Variants in ARID1A observed in about 807,000 individuals in gnomAD.
ARID1A encodes the protein AT-rich interactive domain-containing protein 1A.
A neutral mutation model predicts 212.6 loss-of-function variants in ARID1A; 20 were observed. The observed-to-expected ratio is 0.09, with a 90% CI of 0.07 to 0.14. The LOEUF (loss-of-function observed/expected upper bound fraction) is 0.14, where lower values mean the gene tolerates loss of function less well. Among genes scored for constraint, ARID1A ranks in the 10% least tolerant of loss-of-function variants. ARID1A has a pLI of 1.00. For missense variants in ARID1A, 2,587 were observed against 3,059.0 expected (o/e 0.85, Z 3.64); for synonymous variants, 1,376 against 1,222.1 (o/e 1.13, Z -2.63).
chr1:26,733,025 C>G (rs1299841992), intron 4 of ARID1A, among the ~76,000 whole-genome samples: 1 of 152,152 alleles, frequency 6.6e-6, no homozygotes, highest in South Asian at 2.1e-4. Flanking sequence ...TGCTTTTAGA[C>G]ATGGACCCAC....
rs1056019498 is a variant in ARID1A at position 26,775,194 on chromosome 1, G to A, written c.4967G>A (p.Arg1656Lys). The change falls in exon 18 of 20, where the codon AGG becomes AAG. Residue 1656 changes from arginine (R) to lysine (K), a missense_variant. By Grantham distance (26) the Arg-to-Lys change is conservative. Around this residue, in one of 11 missense-constraint regions of ARID1A, gnomAD observed 890 missense variants for 1,098.2 expected, o/e 0.81. Coordinates refer to ENST00000324856, the MANE Select transcript of ARID1A (RefSeq NM_006015.6). ...GCCACACAGCCTGTGTTGAAGCAGA[G>A]GAGGCGGCTCACAATGAAAGACATT... ...VEATQPVLKQ[R>K]RRLTMKDIGT... 3.8e-6 allele frequency: 6 copies of A among 1,597,972 alleles called. No homozygotes were observed. The highest frequency in any genetic ancestry group is 1.8e-5 in the Admixed American group (1 of 55,856).
rs775219314 is a variant in ARID1A, at chr1:26,766,441, T to A, written c.2879-16T>A. 1 of 1,613,820 alleles carries A rather than the reference T, an allele frequency of 6.2e-7. No homozygotes were observed. Among genetic ancestry groups the A allele is most frequent in the Non-Finnish European group, 8.5e-7 (1 of 1,179,928 alleles). ...GCTAAACTTACTGGACTTGAGAATT[T>A]TTTTCTCTTTTACAGGGATGGCAGC... On this transcript the variant is annotated splice_polypyrimidine_tract_variant and intron_variant, in intron 9 of 19. Coordinates refer to ENST00000324856, the MANE Select transcript of ARID1A (RefSeq NM_006015.6).
At chr1:26,740,176 A>T (rs529373227) in intron 4 of ARID1A, among the ~76,000 whole-genome samples, 1 of 152,218 alleles carries the variant, frequency 6.6e-6, no homozygotes, top group African/African-American at 2.4e-5. Flanking sequence ...ACTTTTTGCT[A>T]TGGGTGTTAT....
Position 26,696,446 on chromosome 1 carries a change from A to G in ARID1A, c.43A>G (p.Asn15Asp). 7.8e-7 allele frequency: 1 copy of G among 1,288,670 alleles called. No individual in the cohort carries two copies. 79.8% of individuals were successfully genotyped at this position (1,288,670 alleles called of 1,614,324 possible). Residue 15 changes from asparagine to aspartate, a missense_variant, in exon 1 of 20, where the codon AAC becomes GAC. Asn to Asp is a conservative substitution (Grantham distance 23, BLOSUM62 1). Transcript: ENST00000324856. ...VAPAAASSLG[N>D]PPPPPPSELK... Reference sequence around the variant, plus strand: ...CCCCGCCGCCGCCAGCAGCCTGGGCAACCCGCCGCCGCCGCCGCCCTCGGA... The same window carrying G: ...CCCCGCCGCCGCCAGCAGCCTGGGCGACCCGCCGCCGCCGCCGCCCTCGGA...
intron 4 of ARID1A, among the ~76,000 whole-genome samples, chr1:26,759,755 A>C (rs2080973924): frequency 6.6e-6 from 1 of 152,234 alleles, no homozygotes; most frequent in South Asian, 2.1e-4. Context: ...CAAAGCCTAC[A>C]AACAAATACC....
At chr1:26,777,088 T>C (rs1332177832) in intron 19 of ARID1A, among the ~76,000 whole-genome samples, 1 of 152,176 alleles carries the variant, frequency 6.6e-6, no homozygotes, top group Non-Finnish European at 1.5e-5. Context: ...GAATTTTTTT[T>C]TTAAGAGACT....
At chr1:26,747,096 T>C (rs566366908) in intron 4 of ARID1A, among the ~76,000 whole-genome samples, 3 of 152,190 alleles carry the variant, frequency 2.0e-5, no homozygotes, top group South Asian at 4.2e-4. Flanking sequence ...AAATCAAGCG[T>C]AGAATTAGCC....
At chr1:26,705,842 G>A (rs948836436) in intron 1 of ARID1A, among the ~76,000 whole-genome samples, 1 of 152,158 alleles carries the variant, frequency 6.6e-6, no homozygotes, top group African/African-American at 2.4e-5. Flanking sequence ...TATTATCTTG[G>A]GACAGGTTGA....
Position 26,781,242 on chromosome 1 carries a change from C to T in ARID1A, c.*486C>T, listed in dbSNP as rs1453530028. The T allele has an allele frequency of 4.2e-6, 1 of 235,444 alleles. No individual in the cohort carries two copies. The highest frequency in any genetic ancestry group is 1.8e-4 in the South Asian group (1 of 5,688). The allele number at this position is 235,444 out of a possible 1,614,324, so 14.6% of individuals were successfully genotyped here. On this transcript the variant is annotated 3_prime_UTR_variant, in exon 20 of 20. Coordinates refer to ENST00000324856, the MANE Select transcript of ARID1A (RefSeq NM_006015.6). ...GAACTGTGTGTGGTTTATTGTTGTA[C>T]ATTCACAATCTTGCAGGAGCCAAGA...
In ARID1A at chr1:26,779,651, G is replaced by C. The variant is rs369532498; in HGVS notation, c.5753G>C (p.Arg1918Pro). Residue 1918 changes from arginine to proline, a missense_variant, in exon 20 of 20, where the codon CGG (arginine) becomes CCG (proline). Transcript: ENST00000324856. The stretch of plus-strand genomic sequence containing the variant: ...ACTATGGATGACATGTTGTCTACTC[G>C]GTCTAGCACCTTGACCGAGGATGGA... ...TATMDDMLSTRSSTLTEDGAK... is the reference protein window; with the variant it reads ...TATMDDMLSTPSSTLTEDGAK... 2 of 1,613,960 alleles carry C rather than the reference G, an allele frequency of 1.2e-6. No homozygotes were observed. Among genetic ancestry groups the C allele is most frequent in the Admixed American group, 1.7e-5 (1 of 59,988 alleles).
intron 1 of ARID1A, chr1:26,729,375 TC>T (rs2080650665): frequency 2.2e-6 from 1 of 453,490 alleles, no homozygotes; most frequent in African/African-American, 2.0e-5. Context: ...ACCCGGCCTG[TC>T]CCTTGGATCT....
At chr1:26,775,470 C>A in intron 18 of ARID1A, 107 bp from the exon 19 acceptor site, 1 of 1,503,214 alleles carries the variant, frequency 6.7e-7, no homozygotes, top group Non-Finnish European at 8.9e-7. Context: ...CAGAAACTGC[C>A]TTCCACCTTG....
At chr1:26,767,761 T>C in intron 10 of ARID1A, 29 bp from the exon 11 acceptor site, 1 of 1,571,864 alleles carries the variant, frequency 6.4e-7, no homozygotes, top group Non-Finnish European at 8.7e-7. Context: ...TCTGACCCAT[T>C]CCTATGAATT....
chr1:26,780,779 C>T lies in ARID1A; in HGVS notation c.*23C>T, dbSNP rs200568725. The T allele has an allele frequency of 6.0e-5, 92 of 1,543,774 alleles. 1 individual carries two copies. The East Asian group carries it at 1.5e-3, about 25-fold the overall frequency. On this transcript the variant is annotated 3_prime_UTR_variant, in exon 20 of 20. Coordinates refer to ENST00000324856, the MANE Select transcript of ARID1A (RefSeq NM_006015.6). The surrounding 1 kb of genome is among the most constrained non-coding windows in gnomAD (Gnocchi z 7.2). ...TGACAGCCGTGGGACACCTCCCCCC[C>T]CCGTGTGTGTGTGCGTGTGTGGAGA... is the stretch of plus-strand genomic sequence containing the variant.
At position 26,696,513 on chromosome 1, in the gene ARID1A, G is replaced by A. The variant is rs933617964; in HGVS notation, c.110G>A (p.Gly37Asp). ...CAGCAGCAGCGGGAGGAGGCGGGGG[G>A]CGAGGCGGCGGCGGCGGCAGCGGCC... Reference protein sequence around the residue: ...AEQQQREEAGGEAAAAAAAER... With the variant: ...AEQQQREEAGDEAAAAAAAER... The change falls in exon 1 of 20, where the codon GGC becomes GAC. Residue 37 changes from glycine to aspartate, a missense_variant. Around this residue, in one of 11 missense-constraint regions of ARID1A, gnomAD observed 735 missense variants for 590.6 expected, o/e 1.24. Transcript: ENST00000324856. 29 of 1,228,668 alleles carry A rather than the reference G, an allele frequency of 2.4e-5. No homozygotes were observed. The African/African-American group carries it at 3.8e-4, about 16-fold the overall frequency. The allele number at this position is 1,228,668 out of a possible 1,614,324, so 76.1% of individuals were successfully genotyped here. A position where few individuals can be genotyped will look rare whatever the true frequency, so the allele number is the denominator to read the frequency against.
At chr1:26,760,740 T>C in intron 4 of ARID1A, 116 bp from the exon 5 acceptor site, 1 of 1,093,442 alleles carries the variant, frequency 9.1e-7, no homozygotes, top group African/African-American at 1.6e-5. Context: ...AAAGAACGTG[T>C]GTGATGTATT....
intron 4 of ARID1A, among the ~76,000 whole-genome samples, chr1:26,751,021 G>A (rs959715947): frequency 6.6e-5 from 10 of 152,160 alleles, no homozygotes; most frequent in South Asian, 4.1e-4. Context: ...TTGGGAGGCC[G>A]AGGCGGGTGG....
intron 7 of ARID1A, among the ~76,000 whole-genome samples, chr1:26,762,632 A>G (rs1036141810): frequency 2.0e-5 from 3 of 152,178 alleles, no homozygotes; most frequent in African/African-American, 7.2e-5. Flanking sequence ...TTTATTAATT[A>G]TTTTTAGTGA....
intron 3 of ARID1A, among the ~76,000 whole-genome samples, chr1:26,731,809 A>G (rs960612625): frequency 5.9e-5 from 9 of 152,234 alleles, no homozygotes; most frequent in African/African-American, 1.9e-4. Context: ...GCTCTCCTTA[A>G]TGATGAAGAA....
Sources: allele counts gnomAD v4.1 joint callset (sites outside exome capture counted in the v4.1 genomes callset), GRCh38; gene constraint gnomAD v4.1.1; regional missense constraint gnomAD v4.1.1; non-coding constraint Gnocchi (gnomAD v3.1); transcripts MANE v1.5; gene names NCBI Gene and HGNC (gene_info 2026-07-23, HGNC 2026-07-21).